BCKDHB: variants seen among roughly 807,000 people sequenced by gnomAD.
BCKDHB encodes branched chain keto acid dehydrogenase E1 subunit beta.
BCKDHB carries 41 observed loss-of-function variants against 48.5 expected under a neutral mutation model. The observed-to-expected ratio is 0.85, with a 90% CI of 0.66 to 1.10. The LOEUF (loss-of-function observed/expected upper bound fraction) is 1.10. Among genes scored for constraint, BCKDHB ranks in the 50% least tolerant of loss-of-function variants. The pLI, the probability that BCKDHB is intolerant of heterozygous loss-of-function variation, is 0.00. For synonymous variants in BCKDHB, 201 were observed against 174.8 expected, an observed-to-expected ratio of 1.15 and a Z score of -1.18; for missense variants, 496 against 494.2, an observed-to-expected ratio of 1.00 and a Z score of -0.03.
the BCKDHB span, among the ~76,000 whole-genome samples, chr6:80,407,290 G>A: frequency 6.6e-6 from 1 of 152,190 alleles, no homozygotes; most frequent in East Asian, 1.9e-4. Flanking sequence ...CAGGTAGCAT[G>A]ATACCTCCAG....
intron 3 of BCKDHB, among the ~76,000 whole-genome samples, chr6:80,162,363 A>C (rs1275593292): frequency 1.3e-5 from 2 of 152,106 alleles, no homozygotes; most frequent in African/African-American, 4.8e-5. Context: ...TTCCTCCTGC[A>C]CTCTGAAAGA....
chr6:80,219,381 T>C (rs1775312282), intron 8 of BCKDHB, among the ~76,000 whole-genome samples: 1 of 152,036 alleles, frequency 6.6e-6, no homozygotes, highest in Admixed American at 6.6e-5. Flanking sequence ...TAATTTTGTA[T>C]TTTTTAGTAG....
At chr6:80,396,086 G>T in the BCKDHB span, among the ~76,000 whole-genome samples, 2 of 152,250 alleles carry the variant, frequency 1.3e-5, no homozygotes, top group East Asian at 1.9e-4. Flanking sequence ...TACCAGGGCA[G>T]TGCAGATGGG....
downstream of BCKDHB, among the ~76,000 whole-genome samples, chr6:80,351,013 T>C (rs926962643): frequency 6.6e-6 from 1 of 152,214 alleles, no homozygotes; most frequent in African/African-American, 2.4e-5. Context: ...TAAGTTATAC[T>C]TTGTACCTGA....
chr6:80,332,636 G>A (rs908580777), intron 9 of BCKDHB, among the ~76,000 whole-genome samples: 28 of 147,532 alleles, frequency 1.9e-4, no homozygotes, highest in Admixed American at 8.9e-4. Context: ...CCATAAATAA[G>A]GAAATAAATG....
chr6:80,451,280 T>A, the BCKDHB span, among the ~76,000 whole-genome samples: 1 of 152,234 alleles, frequency 6.6e-6, no homozygotes, highest in Non-Finnish European at 1.5e-5. Flanking sequence ...AGGCTCTTTT[T>A]AAATTGGTTT....
chr6:80,278,935 A>G (rs964851523), intron 9 of BCKDHB, among the ~76,000 whole-genome samples: 3 of 152,076 alleles, frequency 2.0e-5, no homozygotes. Context: ...CAAAATTCCA[A>G]CATTATGCTT....
At chr6:80,319,147 T>C (rs1274254471) in intron 9 of BCKDHB, among the ~76,000 whole-genome samples, 1 of 152,188 alleles carries the variant, frequency 6.6e-6, no homozygotes, top group Admixed American at 6.5e-5. Flanking sequence ...TCAGGCCTTA[T>C]GGAATAAGCT....
chr6:80,251,076 G>C (rs979361571), intron 8 of BCKDHB, among the ~76,000 whole-genome samples: 5 of 152,166 alleles, frequency 3.3e-5, no homozygotes, highest in Non-Finnish European at 7.3e-5. Flanking sequence ...TAATAGTTAA[G>C]TCATTTAACT....
At chr6:80,141,547 T>C (rs975408504) in intron 3 of BCKDHB, among the ~76,000 whole-genome samples, 2 of 152,244 alleles carry the variant, frequency 1.3e-5, no homozygotes, top group Middle Eastern at 6.8e-3. Context: ...TCAGTCAGAA[T>C]GTAATGACCT....
At chr6:80,290,955 G>T (rs761727357) in intron 9 of BCKDHB, among the ~76,000 whole-genome samples, 54 of 152,342 alleles carry the variant, frequency 3.5e-4, no homozygotes, top group Middle Eastern at 6.8e-3. Flanking sequence ...GAGTGTAGCA[G>T]TCAGGATGAC....
At chr6:80,131,681 C>A (rs1019155616) in intron 3 of BCKDHB, among the ~76,000 whole-genome samples, 2 of 151,270 alleles carry the variant, frequency 1.3e-5, no homozygotes, top group Non-Finnish European at 2.9e-5. Flanking sequence ...CTCGCTCTAT[C>A]GCCCAGGCTG....
chr6:80,306,701 A>C (rs1384735951), intron 9 of BCKDHB, among the ~76,000 whole-genome samples: 1 of 152,242 alleles, frequency 6.6e-6, no homozygotes, highest in African/African-American at 2.4e-5. Context: ...AAATCAGATG[A>C]TGACACAGCA....
the BCKDHB span, among the ~76,000 whole-genome samples, chr6:80,397,409 A>G: frequency 5.1e-4 from 77 of 152,120 alleles, no homozygotes; most frequent in Admixed American, 3.5e-3. Context: ...GTGTGTGTGT[A>G]TGTGTGTGTG....
intron 8 of BCKDHB, among the ~76,000 whole-genome samples, chr6:80,223,025 T>C (rs1421320599): frequency 6.6e-6 from 1 of 152,168 alleles, no homozygotes; most frequent in African/African-American, 2.4e-5. Flanking sequence ...AAAGATGATA[T>C]ATTGATAGCC....
At chr6:80,400,138 A>T in the BCKDHB span, among the ~76,000 whole-genome samples, 2 of 152,140 alleles carry the variant, frequency 1.3e-5, no homozygotes, top group South Asian at 4.1e-4. Flanking sequence ...CTGGAAGACA[A>T]CATAAGCAAT....
At chr6:80,370,346 A>G in the BCKDHB span, among the ~76,000 whole-genome samples, 6 of 152,126 alleles carry the variant, frequency 3.9e-5, no homozygotes, top group Non-Finnish European at 7.4e-5. Context: ...AAAATAAACT[A>G]TCTAAGGGCC....
At chr6:80,127,465 A>T in intron 1 of BCKDHB, 82 bp from the exon 2 acceptor site, 1 of 1,086,644 alleles carries the variant, frequency 9.2e-7, no homozygotes, top group Non-Finnish European at 1.4e-6. Context: ...GATTTTAGTC[A>T]AGTTGTAATT....
chr6:80,295,144 T>A (rs1057110870), intron 9 of BCKDHB, among the ~76,000 whole-genome samples: 1 of 152,188 alleles, frequency 6.6e-6, no homozygotes, highest in Non-Finnish European at 1.5e-5. Context: ...TGGCCAGAAC[T>A]TATGGAAAAT....
Sources: allele counts gnomAD v4.1 joint callset (sites outside exome capture counted in the v4.1 genomes callset), GRCh38; gene constraint gnomAD v4.1.1; transcripts MANE v1.5; gene names NCBI Gene and HGNC (gene_info 2026-07-23, HGNC 2026-07-21).